SRSF10: variants seen among roughly 807,000 people sequenced by gnomAD.
SRSF10 encodes the protein serine and arginine rich splicing factor 10, also known as serine/arginine-rich splicing factor 10.
A neutral mutation model predicts 32.6 loss-of-function variants in SRSF10; 9 were observed. The observed-to-expected ratio is 0.28, with a 90% CI of 0.17 to 0.48. The LOEUF (loss-of-function observed/expected upper bound fraction) is 0.48, where lower values mean the gene tolerates loss of function less well. Among genes scored for constraint, SRSF10 ranks in the 20% least tolerant of loss-of-function variants. The pLI is 0.99. For missense variants in SRSF10, 201 were observed against 331.8 expected, an observed-to-expected ratio of 0.61 and a Z score of 3.06; for synonymous variants, 105 against 112.4, an observed-to-expected ratio of 0.93 and a Z score of 0.42.
In SRSF10 at chr1:23,969,712, A is replaced by G; in HGVS notation, c.*1430T>C. The G allele has an allele frequency of 1.0e-6, 1 of 985,412 alleles. No individual in the cohort carries two copies. Among genetic ancestry groups the G allele is most frequent in the Non-Finnish European group, 1.2e-6 (1 of 829,874 alleles). 61.0% of individuals were successfully genotyped at this position (985,412 alleles called of 1,614,324 possible). A position where few individuals can be genotyped will look rare whatever the true frequency, so the allele number is the denominator to read the frequency against. Reference sequence around the variant, plus strand: ...GTCCCCAAAACGATCTTTCAGAGAAATACTAGAAATTATAAATGGTTTAAG... The same window carrying G: ...GTCCCCAAAACGATCTTTCAGAGAAGTACTAGAAATTATAAATGGTTTAAG... On this transcript the variant is annotated 3_prime_UTR_variant, in exon 6 of 6. Transcript: ENST00000492112.
rs1238182100 is a variant in SRSF10 at position 23,968,893 on chromosome 1, T to C, written c.*2249A>G. 6.6e-5 allele frequency among the ~76,000 whole-genome samples: 10 copies of C among 152,168 alleles called. No individual in the cohort carries two copies. Among genetic ancestry groups the C allele is most frequent in the African/African-American group, 2.2e-4 (9 of 41,460 alleles). On this transcript the variant is annotated 3_prime_UTR_variant, in exon 6 of 6. Coordinates refer to ENST00000492112, the MANE Select transcript of SRSF10 (RefSeq NM_054016.4). ...GAGCAATCATGAAACAACTTTGATA[T>C]TACACAATGAATTTTTAACTACTGT... is the stretch of plus-strand genomic sequence containing the variant.
rs1641428989 is a variant in SRSF10, at chr1:23,965,941, A to G, written c.*5201T>C. ...TTAAAAATACATAGAACCTCTGTCC[A>G]TAAGAACCCCTATGTTAATGAGTGT... On this transcript the variant is annotated 3_prime_UTR_variant, in exon 6 of 6. Coordinates refer to ENST00000492112, the MANE Select transcript of SRSF10 (RefSeq NM_054016.4). 2 of 152,094 alleles carry G rather than the reference A, an allele frequency of 1.3e-5. No individual in the cohort carries two copies. Among genetic ancestry groups the G allele is most frequent in the African/African-American group, 2.4e-5 (1 of 41,554 alleles). The allele number at this position is 152,094 out of a possible 1,614,324, so 9.4% of individuals were successfully genotyped here. A position where few individuals can be genotyped will look rare whatever the true frequency, so the allele number is the denominator to read the frequency against.
At chr1:23,978,558 A>G (rs1642221222) in intron 2 of SRSF10, 155 bp downstream of exon 2, 2 of 957,232 alleles carry the variant, frequency 2.1e-6, no homozygotes, top group African/African-American at 3.3e-5. Context: ...TTTAATAACG[A>G]GAGCAATGTG....
chr1:23,967,801 C>G lies in SRSF10; in HGVS notation c.*3341G>C. 6.3e-7 allele frequency: 1 copy of G among 1,587,102 alleles called. No homozygotes were observed. The highest frequency in any genetic ancestry group is 8.6e-7 in the Non-Finnish European group (1 of 1,164,528). On this transcript the variant is annotated 3_prime_UTR_variant, in exon 6 of 6. Coordinates refer to ENST00000492112, the MANE Select transcript of SRSF10 (RefSeq NM_054016.4). ...GGTATACAGGATTTTGTTAGTTGAA[C>G]TGGATGTAGCAGCTTACTGGGCCAA...
chr1:23,980,082 G>C, intron 1 of SRSF10, 109 bp downstream of exon 1: 1 of 1,228,778 alleles, frequency 8.1e-7, no homozygotes, highest in Non-Finnish European at 1.1e-6. Context: ...CGCGGGACCC[G>C]CCATCTTCAC....
rs1265782320 is a variant in SRSF10, at chr1:23,965,987, ACT to A, written c.*5153_*5154del. On this transcript the variant is annotated 3_prime_UTR_variant, in exon 6 of 6. Transcript: ENST00000492112. ...AGTGTATAACGGTATACAACAAAAT[ACT>A]TTTTGTAATTAAATCTAGTCACTTT... 2 of 151,498 alleles carry A rather than the reference ACT, an allele frequency of 1.3e-5. No homozygotes were observed. Among genetic ancestry groups the A allele is most frequent in the African/African-American group, 4.9e-5 (2 of 41,066 alleles). 9.4% of individuals were successfully genotyped at this position (151,498 alleles called of 1,614,324 possible).
In SRSF10 at chr1:23,969,296, C is replaced by T. The variant is rs1641608911; in HGVS notation, c.*1846G>A. The T allele has an allele frequency of 4.1e-6, 4 of 985,080 alleles. No homozygotes were observed. Among genetic ancestry groups the T allele is most frequent in the Non-Finnish European group, 3.6e-6 (3 of 829,350 alleles). 61.0% of individuals were successfully genotyped at this position (985,080 alleles called of 1,614,324 possible). On this transcript the variant is annotated 3_prime_UTR_variant, in exon 6 of 6. Coordinates refer to ENST00000492112, the MANE Select transcript of SRSF10 (RefSeq NM_054016.4). ...TCCTCTTTGCTAGAACTGTAAACTA[C>T]TGCTACAGTTTTAAATAGACTTTTT...
At position 23,966,268 on chromosome 1, in the gene SRSF10, A is replaced by G. The variant is rs1570757418; in HGVS notation, c.*4874T>C. ...CCTCCCTTGAAAATATACCTCTGCT[A>G]TATTTTCAAAATTGCTACAAATTAA... On this transcript the variant is annotated 3_prime_UTR_variant, in exon 6 of 6. Transcript: ENST00000492112. The G allele has an allele frequency of 1.3e-5, 2 of 151,920 alleles. No homozygotes were observed. Among genetic ancestry groups the G allele is most frequent in the Admixed American group, 6.6e-5 (1 of 15,262 alleles). 9.4% of individuals were successfully genotyped at this position (151,920 alleles called of 1,614,324 possible).
At chr1:23,975,232 C>A in intron 2 of SRSF10, 155 bp from the exon 3 acceptor site, 1 of 638,094 alleles carries the variant, frequency 1.6e-6, no homozygotes, top group Admixed American at 2.8e-5. Flanking sequence ...TGGATTCAGT[C>A]ATTAACACTT....
intron 4 of SRSF10, 81 bp from the exon 5 acceptor site, chr1:23,971,707 T>A (rs1641765344): frequency 6.5e-7 from 1 of 1,540,478 alleles, no homozygotes; most frequent in Non-Finnish European, 8.8e-7. Flanking sequence ...ACCATAAAAC[T>A]TTTAAAATAA....
intron 1 of SRSF10, 59 bp downstream of exon 1, chr1:23,980,132 T>G: frequency 1.3e-6 from 2 of 1,488,488 alleles, no homozygotes; most frequent in East Asian, 2.8e-5. Flanking sequence ...ACCACCAGGG[T>G]CCTCTCCAGG....
chr1:23,967,272 TG>T lies in SRSF10; in HGVS notation c.*3869del, dbSNP rs1641499201. The T allele has an allele frequency of 6.1e-6, 1 of 164,798 alleles. No homozygotes were observed. The highest frequency in any genetic ancestry group is 2.4e-5 in the African/African-American group (1 of 41,890). 10.2% of individuals were successfully genotyped at this position (164,798 alleles called of 1,614,324 possible). On this transcript the variant is annotated 3_prime_UTR_variant, in exon 6 of 6. Transcript: ENST00000492112. ...CAAGATTTGCCAATAATGGCAAAAATGGAACTTTTATATTGGACCATACCTT... is the reference window on the plus strand; with the variant it reads ...CAAGATTTGCCAATAATGGCAAAAATGAACTTTTATATTGGACCATACCTT...
rs1641793949 is a variant in SRSF10, at chr1:23,972,131, C to G, written c.275-119G>C. The G allele has an allele frequency of 4.6e-6, 4 of 871,382 alleles. No individual in the cohort carries two copies. In the South Asian group the frequency reaches 8.6e-5, roughly 19 times the overall value. The allele number at this position is 871,382 out of a possible 1,614,324, so 54.0% of individuals were successfully genotyped here. On this transcript the variant is annotated intron_variant, in intron 3 of 5. Transcript: ENST00000492112. ...ATATCCCAAAGAGAGTATGTATGACCCGGGTGGTGGCTCACACCTGTGATC... is the reference window on the plus strand; with the variant it reads ...ATATCCCAAAGAGAGTATGTATGACGCGGGTGGTGGCTCACACCTGTGATC...
Position 23,972,027 on chromosome 1 carries a change from G to A in SRSF10, c.275-15C>T. 1.4e-6 allele frequency: 2 copies of A among 1,456,456 alleles called. No individual in the cohort carries two copies. The highest frequency in any genetic ancestry group is 1.8e-6 in the Non-Finnish European group (2 of 1,106,716). 90.2% of individuals were successfully genotyped at this position (1,456,456 alleles called of 1,614,324 possible). On this transcript the variant is annotated splice_polypyrimidine_tract_variant and intron_variant, in intron 3 of 5. Transcript: ENST00000492112. ...CTGATTTGGTGCTAGGAAATACAAA[G>A]AACAGAAATATTTAAAAATATTAAA...
intron 2 of SRSF10, chr1:23,977,535 C>G (rs1642163934): frequency 6.6e-6 from 1 of 152,176 alleles, no homozygotes; most frequent in East Asian, 1.9e-4. Context: ...TCTAGTGGTT[C>G]TGACCCTACA....
Position 23,971,857 on chromosome 1 carries a change from G to A in SRSF10, c.430C>T (p.Pro144Ser). 3.7e-6 allele frequency: 6 copies of A among 1,606,192 alleles called. No individual in the cohort carries two copies. Among genetic ancestry groups the A allele is most frequent in the Non-Finnish European group, 4.2e-6 (5 of 1,177,730 alleles). The change falls in exon 4 of 6, where the codon CCT (proline) becomes TCT (serine). Residue 144 changes from proline (P) to serine (S), a missense_variant. Pro to Ser is a moderately conservative substitution (Grantham distance 74). Around this residue, in one of 3 missense-constraint regions of SRSF10, gnomAD observed 159 missense variants for 196.7 expected, o/e 0.81. Transcript: ENST00000492112. ...FDYNYRRSYSPRNSRPTGRPR... is the reference protein window; with the variant it reads ...FDYNYRRSYSSRNSRPTGRPR... ...GCTACACAGCACACTTACTTTCTAG[G>A]ACTATACGATCTTCTATAGTTGTAA... is the stretch of plus-strand genomic sequence containing the variant.
rs1280758117 is a variant in SRSF10 at position 23,971,713 on chromosome 1, A to G, written c.438-87T>C. On this transcript the variant is annotated intron_variant, in intron 4 of 5. Coordinates refer to ENST00000492112, the MANE Select transcript of SRSF10 (RefSeq NM_054016.4). ...TAAAAGCAAACCATAAAACTTTTAA[A>G]ATAAAATGCTACAGTATTTTTTGTC... 1,364 of 1,528,768 alleles carry G rather than the reference A, an allele frequency of 8.9e-4. 2 individuals carry two copies. Among genetic ancestry groups the G allele is most frequent in the Non-Finnish European group, 1.2e-3 (1,294 of 1,123,304 alleles). The allele number at this position is 1,528,768 out of a possible 1,614,324, so 94.7% of individuals were successfully genotyped here.
In SRSF10 at chr1:23,969,142, T is replaced by C. The variant is rs1641602197; in HGVS notation, c.*2000A>G. ...AATTTACAGCAAGCAGAAAATAAGC[T>C]GGGTCTTGTTTTGATCCAAACATTG... On this transcript the variant is annotated 3_prime_UTR_variant, in exon 6 of 6. Coordinates refer to ENST00000492112, the MANE Select transcript of SRSF10 (RefSeq NM_054016.4). The C allele has an allele frequency of 6.1e-6, 6 of 985,680 alleles. No homozygotes were observed. Among genetic ancestry groups the C allele is most frequent in the Middle Eastern group, 5.2e-4 (1 of 1,914 alleles). 61.1% of individuals were successfully genotyped at this position (985,680 alleles called of 1,614,324 possible). A position where few individuals can be genotyped will look rare whatever the true frequency, so the allele number is the denominator to read the frequency against.
intron 3 of SRSF10, among the ~76,000 whole-genome samples, chr1:23,974,471 C>T (rs1641962761): frequency 6.6e-6 from 1 of 152,152 alleles, no homozygotes; most frequent in Non-Finnish European, 1.5e-5. Context: ...ACACTTACCC[C>T]AAAACTTACA....
Sources: allele counts gnomAD v4.1 joint callset (sites outside exome capture counted in the v4.1 genomes callset), GRCh38; gene constraint gnomAD v4.1.1; regional missense constraint gnomAD v4.1.1; transcripts MANE v1.5; gene names NCBI Gene and HGNC (gene_info 2026-07-23, HGNC 2026-07-21).